Variants in PRDM16 observed in about 807,000 individuals in gnomAD.
PRDM16 encodes histone-lysine N-methyltransferase PRDM16.
PRDM16 carries 23 observed loss-of-function variants against 110.6 expected under a neutral mutation model. The observed-to-expected ratio is 0.21, with a 90% CI of 0.15 to 0.29. PRDM16 has a LOEUF of 0.29. PRDM16 is among the 10% of genes least tolerant of loss of function. PRDM16 has a pLI of 1.00. For missense variants in PRDM16, 1,615 were observed against 1,794.3 expected, an observed-to-expected ratio of 0.90 and a Z score of 1.81; for synonymous variants, 799 against 781.8, an observed-to-expected ratio of 1.02 and a Z score of -0.37.
rs1479793076 is a variant in PRDM16, at chr1:3,213,054, C to T, written c.387+26580C>T. 6.6e-6 allele frequency among the ~76,000 whole-genome samples: 1 copy of T among 152,334 alleles called. No homozygotes were observed. The highest frequency in any genetic ancestry group is 2.1e-4 in the South Asian group (1 of 4,826). On this transcript the variant is annotated intron_variant, in intron 2 of 16. Transcript: ENST00000270722. This position sits in a 1 kb window ranked among gnomAD's most constrained non-coding sequence, Gnocchi z 5.3. ...CCCAGAAAGGAAAGCGGGGTCGGCT[C>T]GCCCGCCTGCCGCACGCTTCCCCGG...
rs770305450 is a variant in PRDM16 at position 3,412,148 on chromosome 1, G to A, written c.1951G>A (p.Gly651Ser). The A allele has an allele frequency of 6.5e-5, 102 of 1,560,826 alleles. No individual in the cohort carries two copies. The highest frequency in any genetic ancestry group is 7.8e-5 in the Non-Finnish European group (90 of 1,154,244). ...CGCCGAGGGCCAGCCCAAGTTTGGG[G>A]GCGGCTTGGCGCCCCCGGGGGCCCC... ...KSAEGQPKFGGGLAPPGAPNS... is the reference protein window; with the variant it reads ...KSAEGQPKFGSGLAPPGAPNS... Residue 651 changes from glycine (G) to serine (S), a missense_variant, in exon 9 of 17, where the codon GGC (glycine) becomes AGC (serine). This residue lies in a region of PRDM16 where 772 missense variants were observed against 748.3 expected (regional missense o/e 1.03). Transcript: ENST00000270722.
intron 3 of PRDM16, among the ~76,000 whole-genome samples, chr1:3,334,038 G>A (rs1180137576): frequency 2.0e-5 from 3 of 152,158 alleles, no homozygotes; most frequent in Non-Finnish European, 2.9e-5. Flanking sequence ...AATGCAAAAC[G>A]GCATAACACA....
chr1:3,413,821 C>T (rs528736369), intron 9 of PRDM16, among the ~76,000 whole-genome samples: 3 of 152,328 alleles, frequency 2.0e-5, no homozygotes, highest in South Asian at 4.1e-4. Context: ...TAGCCCTGCC[C>T]ACGGCCTCTG....
chr1:3,383,544 C>T (rs552945460), intron 3 of PRDM16, among the ~76,000 whole-genome samples: 2 of 152,324 alleles, frequency 1.3e-5, no homozygotes, highest in South Asian at 2.1e-4. Flanking sequence ...ACGTGGACCA[C>T]ATGCTTCCCC....
rs759159465 is a variant in PRDM16 at position 3,412,628 on chromosome 1, G to T, written c.2431G>T (p.Ala811Ser). 1.8e-5 allele frequency: 28 copies of T among 1,578,660 alleles called. 1 individual carries two copies. The South Asian group carries it at 3.0e-4, about 17-fold the overall frequency. ...GCTGGACCTGAGCATCGGCAGCCGG[G>T]CCCGTGCCAGCCAAAACGGCGGCGG... ...QPLDLSIGSR[A>S]RASQNGGGRE... Residue 811 changes from alanine to serine, a missense_variant, in exon 9 of 17, where the codon GCC (alanine) becomes TCC (serine). Physicochemically the swap from Ala to Ser is moderately conservative, Grantham distance 99. This residue lies in a region of PRDM16 where 772 missense variants were observed against 748.3 expected (regional missense o/e 1.03). Coordinates refer to ENST00000270722, the MANE Select transcript of PRDM16 (RefSeq NM_022114.4).
chr1:3,313,886 G>T (rs2100424060), intron 3 of PRDM16, among the ~76,000 whole-genome samples: 1 of 152,390 alleles, frequency 6.6e-6, no homozygotes, highest in South Asian at 2.1e-4. Flanking sequence ...GCATTAATAG[G>T]AGCGAATGTG....
intron 4 of PRDM16, among the ~76,000 whole-genome samples, chr1:3,387,219 T>A (rs927825704): frequency 3.3e-5 from 5 of 152,074 alleles, no homozygotes; most frequent in Non-Finnish European, 5.9e-5. Flanking sequence ...CCTCCAAAGC[T>A]CCGTCCTAGA....
intron 3 of PRDM16, among the ~76,000 whole-genome samples, chr1:3,285,789 T>A (rs1036650147): frequency 6.6e-6 from 1 of 152,076 alleles, no homozygotes; most frequent in Non-Finnish European, 1.5e-5. Flanking sequence ...ACCGGACACC[T>A]GGCATGTCCA....
At chr1:3,387,949 G>A (rs184114891) in intron 4 of PRDM16, among the ~76,000 whole-genome samples, 122 of 152,284 alleles carry the variant, frequency 8.0e-4, no homozygotes, top group East Asian at 3.1e-3. Context: ...CCTCTCGCGC[G>A]CTGTGACGGC....
At chr1:3,079,976 C>T (rs1641986185) in intron 1 of PRDM16, among the ~76,000 whole-genome samples, 1 of 152,232 alleles carries the variant, frequency 6.6e-6, no homozygotes, top group Admixed American at 6.5e-5. Context: ...TTGGTTGCCT[C>T]AGTAGCGCGT....
Position 3,436,141 on chromosome 1 carries a change from A to G in PRDM16, c.*2330A>G. 4.4e-6 allele frequency: 1 copy of G among 228,232 alleles called. No individual in the cohort carries two copies. Among genetic ancestry groups the G allele is most frequent in the East Asian group, 6.2e-5 (1 of 16,028 alleles). The allele number at this position is 228,232 out of a possible 1,614,324, so 14.1% of individuals were successfully genotyped here. On this transcript the variant is annotated 3_prime_UTR_variant, in exon 17 of 17. Transcript: ENST00000270722. ...TAAAAATTCAACCTCAGACATAAAC[A>G]CCCCATTTCTGTAAACCCAAATTAT...
In PRDM16 at chr1:3,188,703, G is replaced by A. The variant is rs1053362846; in HGVS notation, c.387+2229G>A. 1.1e-4 allele frequency among the ~76,000 whole-genome samples: 16 copies of A among 152,290 alleles called. 5 individuals are homozygous for A. Among genetic ancestry groups the A allele is most frequent in the Admixed American group, 4.6e-4 (7 of 15,296 alleles). On this transcript the variant is annotated intron_variant, in intron 2 of 16. Coordinates refer to ENST00000270722, the MANE Select transcript of PRDM16 (RefSeq NM_022114.4). ...GTTCGGGCACCGACTCCCTGGCTTT[G>A]GGACCACCTTTGAGTTTTGTTGCTT...
chr1:3,086,123 G>A (rs768215753), intron 1 of PRDM16, among the ~76,000 whole-genome samples: 1 of 36,562 alleles, frequency 2.7e-5, no homozygotes, highest in Non-Finnish European at 5.0e-5. Context: ...TCTCCTGCAA[G>A]GTCTCTGTCT....
chr1:3,088,809 A>G (rs1433680469), intron 1 of PRDM16, among the ~76,000 whole-genome samples: 2 of 148,560 alleles, frequency 1.3e-5, no homozygotes, highest in African/African-American at 5.0e-5. Flanking sequence ...TTTTTTGGAG[A>G]TGGGGTCTCA....
chr1:3,089,620 G>A (rs1299131583), intron 1 of PRDM16, among the ~76,000 whole-genome samples: 4 of 152,242 alleles, frequency 2.6e-5, no homozygotes, highest in African/African-American at 7.2e-5. Context: ...TGCCCCTGCC[G>A]GTGAGGGGCT....
chr1:3,161,171 C>T (rs1643893795), intron 1 of PRDM16, among the ~76,000 whole-genome samples: 1 of 152,164 alleles, frequency 6.6e-6, no homozygotes, highest in Admixed American at 6.5e-5. Context: ...CAGGAAGGAG[C>T]CAGCGCGGAA....
rs535890827 is a variant in PRDM16, at chr1:3,370,986, C to T, written c.439-14166C>T. ...CGATTCATCCATTTGTCCATCCACC[C>T]ACCGATCCACCATCTATTCATCCAT... On this transcript the variant is annotated intron_variant, in intron 3 of 16. Coordinates refer to ENST00000270722, the MANE Select transcript of PRDM16 (RefSeq NM_022114.4). The surrounding 1 kb of genome is among the most constrained non-coding windows in gnomAD (Gnocchi z 4.8). Among the ~76,000 whole-genome samples, 2 of 150,804 alleles carry T rather than the reference C, an allele frequency of 1.3e-5. No homozygotes were observed. Among genetic ancestry groups the T allele is most frequent in the South Asian group, 4.3e-4 (2 of 4,690 alleles).
chr1:3,173,120 G>T (rs115664690), intron 1 of PRDM16, among the ~76,000 whole-genome samples: 1 of 152,202 alleles, frequency 6.6e-6, no homozygotes, highest in Non-Finnish European at 1.5e-5. Flanking sequence ...GCTGCTTAGC[G>T]CAGGGCCAGG....
At chr1:3,221,111 C>T (rs16823522) in intron 2 of PRDM16, among the ~76,000 whole-genome samples, 5,392 of 152,260 alleles carry the variant, frequency 0.035, 187 homozygotes, top group East Asian at 0.12. Context: ...CTGGCCATGC[C>T]GACACTGGCT....
Sources: allele counts gnomAD v4.1 joint callset (sites outside exome capture counted in the v4.1 genomes callset), GRCh38; gene constraint gnomAD v4.1.1; regional missense constraint gnomAD v4.1.1; non-coding constraint Gnocchi (gnomAD v3.1); transcripts MANE v1.5; gene names NCBI Gene and HGNC (gene_info 2026-07-23, HGNC 2026-07-21).